UBE3C: variants seen among roughly 807,000 people sequenced by gnomAD.
The protein encoded by UBE3C is ubiquitin protein ligase E3C.
A neutral mutation model predicts 129.4 loss-of-function variants in UBE3C; 42 were observed. The observed-to-expected ratio is 0.32, with a 90% CI of 0.25 to 0.42. The LOEUF is 0.42. Among genes scored for constraint, UBE3C ranks in the 10% least tolerant of loss-of-function variants. The pLI, the probability that UBE3C is intolerant of heterozygous loss-of-function variation, is 1.00. For synonymous variants in UBE3C, 510 were observed against 492.4 expected, an observed-to-expected ratio of 1.04 and a Z score of -0.47; for missense variants, 1,049 against 1,319.1, an observed-to-expected ratio of 0.80 and a Z score of 3.17.
In UBE3C at chr7:157,183,905, T is replaced by G; in HGVS notation, c.1019T>G (p.Val340Gly). Residue 340 changes from valine to glycine, a missense_variant, in exon 9 of 23, where the codon GTG becomes GGG. By Grantham distance (109) the Val-to-Gly change is moderately radical (BLOSUM62 -3). This residue lies in a region of UBE3C where 489 missense variants were observed against 513.8 expected (regional missense o/e 0.95). Coordinates refer to ENST00000348165, the MANE Select transcript of UBE3C (RefSeq NM_014671.3). ...LGALSEEGLL[V>G]YLRVLQTFLS... ...GCCCTCTCTGAGGAAGGGCTGCTGG[T>G]GTATTTGCGGGTGCTGCAGACCTTC... 6.2e-7 allele frequency: 1 copy of G among 1,614,140 alleles called. No individual in the cohort carries two copies. Among genetic ancestry groups the G allele is most frequent in the Non-Finnish European group, 8.5e-7 (1 of 1,180,016 alleles).
intron 2 of UBE3C, among the ~76,000 whole-genome samples, chr7:157,165,983 T>C (rs1238579096): frequency 6.6e-6 from 1 of 152,208 alleles, no homozygotes; most frequent in East Asian, 1.9e-4. Context: ...CTTTAGATAG[T>C]CTGATTATTT....
chr7:157,202,069 AAGC>A (rs1449653592), intron 11 of UBE3C, among the ~76,000 whole-genome samples: 2 of 152,228 alleles, frequency 1.3e-5, no homozygotes, highest in African/African-American at 2.4e-5. Context: ...GTTTTTAAAA[AAGC>A]AGACATTTGG....
chr7:157,253,965 A>G lies in UBE3C; in HGVS notation c.2706A>G (p.Leu902=). The change falls in exon 20 of 23, where the codon CTA becomes CTG. Residue 902 remains leucine (L), a synonymous_variant. Transcript: ENST00000348165. ...TTTTGTATTCCCAGGTAGTTGAACT[A>G]AAATTCGGTGGGAAAGACATCCCTG... ...NDLGEAQVVE[L]KFGGKDIPVT... 6.3e-7 allele frequency: 1 copy of G among 1,585,260 alleles called. No individual in the cohort carries two copies. Among genetic ancestry groups the G allele is most frequent in the Non-Finnish European group, 8.6e-7 (1 of 1,162,738 alleles).
intron 3 of UBE3C, among the ~76,000 whole-genome samples, chr7:157,169,536 CA>C (rs1808309056): frequency 6.6e-6 from 1 of 151,938 alleles, no homozygotes; most frequent in Admixed American, 6.6e-5. Context: ...CCACCACGTG[CA>C]GCTGATTTTT....
intron 18 of UBE3C, among the ~76,000 whole-genome samples, chr7:157,242,459 A>G (rs189976524): frequency 1.5e-4 from 22 of 149,802 alleles, no homozygotes; most frequent in African/African-American, 4.9e-4. Context: ...GTTTTCTTCT[A>G]ATTGTTGAAA....
intron 4 of UBE3C, among the ~76,000 whole-genome samples, chr7:157,171,060 T>A (rs925198993): frequency 3.3e-5 from 5 of 151,914 alleles, no homozygotes; most frequent in African/African-American, 1.2e-4. Flanking sequence ...GATTTTTCCC[T>A]CCCTGGCCTC....
chr7:157,267,148 G>A (rs1361266762), intron 22 of UBE3C, among the ~76,000 whole-genome samples: 1 of 152,188 alleles, frequency 6.6e-6, no homozygotes, highest in Non-Finnish European at 1.5e-5. Flanking sequence ...TGTGGGCCAG[G>A]CACGGTGGCT....
At position 157,267,835 on chromosome 7, in the gene UBE3C, T is replaced by G; in HGVS notation, c.*80T>G. 7.7e-7 allele frequency: 1 copy of G among 1,290,862 alleles called. No individual in the cohort carries two copies. The highest frequency in any genetic ancestry group is 1.0e-6 in the Non-Finnish European group (1 of 953,528). 80.0% of individuals were successfully genotyped at this position (1,290,862 alleles called of 1,614,324 possible). A position where few individuals can be genotyped will look rare whatever the true frequency, so the allele number is the denominator to read the frequency against. Reference sequence around the variant, plus strand: ...CGCCTCCCCAGACCCACGAGGATACTCACACTGCACGCCTGAGGCTCTCCT... The same window carrying G: ...CGCCTCCCCAGACCCACGAGGATACGCACACTGCACGCCTGAGGCTCTCCT... On this transcript the variant is annotated 3_prime_UTR_variant, in exon 23 of 23. Transcript: ENST00000348165.
intron 2 of UBE3C, among the ~76,000 whole-genome samples, chr7:157,164,205 G>A (rs1808151843): frequency 6.6e-6 from 1 of 151,744 alleles, no homozygotes. Context: ...TGTGACCCAG[G>A]CTGGAGTGCA....
At chr7:157,201,332 TAAAAA>T (rs1378969085) in intron 10 of UBE3C, among the ~76,000 whole-genome samples, 4 of 151,856 alleles carry the variant, frequency 2.6e-5, no homozygotes, top group East Asian at 1.9e-4. Flanking sequence ...TCAAAAAAAA[TAAAAA>T]GAAAAGTATA....
intron 11 of UBE3C, among the ~76,000 whole-genome samples, chr7:157,202,217 T>C (rs1809304812): frequency 6.6e-6 from 1 of 152,242 alleles, no homozygotes; most frequent in Non-Finnish European, 1.5e-5. Context: ...TTGATTTTTC[T>C]TATTTGAATC....
chr7:157,209,196 C>T (rs1180725383), intron 13 of UBE3C, among the ~76,000 whole-genome samples: 1 of 152,170 alleles, frequency 6.6e-6, no homozygotes, highest in Non-Finnish European at 1.5e-5. Flanking sequence ...AATGCTTATT[C>T]ATCCTCCAAG....
chr7:157,207,799 A>C lies in UBE3C; in HGVS notation c.1673A>C (p.Lys558Thr). 6.2e-7 allele frequency: 1 copy of C among 1,614,206 alleles called. No homozygotes were observed. The highest frequency in any genetic ancestry group is 2.2e-5 in the East Asian group (1 of 44,886). ...CLRDACLGII[K>T]LAYPETKPEV... ...CGAGATGCATGCCTGGGGATCATCAAGTTGGCTTATCCAGAAACCAAGCCA... is the reference window on the plus strand; with the variant it reads ...CGAGATGCATGCCTGGGGATCATCACGTTGGCTTATCCAGAAACCAAGCCA... Residue 558 changes from lysine to threonine, a missense_variant, in exon 13 of 23, where the codon AAG becomes ACG. Around this residue, in one of 4 missense-constraint regions of UBE3C, gnomAD observed 314 missense variants for 416.9 expected, o/e 0.75. Coordinates refer to ENST00000348165, the MANE Select transcript of UBE3C (RefSeq NM_014671.3).
intron 1 of UBE3C, among the ~76,000 whole-genome samples, chr7:157,152,752 C>T (rs908043139): frequency 6.6e-5 from 10 of 152,050 alleles, no homozygotes; most frequent in African/African-American, 1.9e-4. Context: ...GTTGTCTTGC[C>T]GGCACATCTT....
chr7:157,198,050 C>G, intron 10 of UBE3C: 1 of 1,608,208 alleles, frequency 6.2e-7, no homozygotes, highest in Non-Finnish European at 8.5e-7. Flanking sequence ...ACTGAAGCTC[C>G]AGGGGGATCT....
At chr7:157,143,433 A>G (rs939485110) in intron 1 of UBE3C, among the ~76,000 whole-genome samples, 6 of 152,204 alleles carry the variant, frequency 3.9e-5, no homozygotes, top group Non-Finnish European at 7.3e-5. Context: ...AGCAGGTATC[A>G]CCACCACAGG....
chr7:157,151,131 C>G (rs936826100), intron 1 of UBE3C, among the ~76,000 whole-genome samples: 7 of 152,204 alleles, frequency 4.6e-5, no homozygotes, highest in Non-Finnish European at 7.3e-5. Context: ...CGGGCTCCAC[C>G]CCCTAAAGGG....
At chr7:157,192,685 T>C in intron 10 of UBE3C, 1 of 775,256 alleles carries the variant, frequency 1.3e-6, no homozygotes, top group Non-Finnish European at 2.3e-6. Flanking sequence ...TATTAGAAGG[T>C]GGATGAGAAT....
chr7:157,266,796 G>A (rs1432216204), intron 22 of UBE3C, among the ~76,000 whole-genome samples: 1 of 152,010 alleles, frequency 6.6e-6, no homozygotes, highest in Non-Finnish European at 1.5e-5. Flanking sequence ...GAGTGCAGTG[G>A]TGTGATCATA....
Sources: allele counts gnomAD v4.1 joint callset (sites outside exome capture counted in the v4.1 genomes callset), GRCh38; gene constraint gnomAD v4.1.1; regional missense constraint gnomAD v4.1.1; transcripts MANE v1.5; gene names NCBI Gene and HGNC (gene_info 2026-07-23, HGNC 2026-07-21).